Variants in GRID2 observed in about 807,000 individuals in gnomAD.
The protein encoded by GRID2 is glutamate ionotropic receptor delta type subunit 2.
A neutral mutation model predicts 114.8 loss-of-function variants in GRID2; 33 were observed. The observed-to-expected ratio is 0.29, with a 90% CI of 0.22 to 0.38. GRID2 has a LOEUF of 0.38. Ranked by LOEUF, GRID2 falls within the 10% of genes least tolerant of loss-of-function variation. The pLI is 1.00. For synonymous variants in GRID2, 505 were observed against 449.9 expected (o/e 1.12, Z -1.55); for missense variants, 1,184 against 1,257.7 (o/e 0.94, Z 0.89).
chr4:92,963,491 A>G (rs1252314882), intron 2 of GRID2, among the ~76,000 whole-genome samples: 1 of 151,614 alleles, frequency 6.6e-6, no homozygotes, highest in Non-Finnish European at 1.5e-5. Context: ...ATAAGAAGCA[A>G]CTCCTCATTA....
At chr4:93,208,146 C>T (rs1743028090) in intron 5 of GRID2, among the ~76,000 whole-genome samples, 1 of 151,816 alleles carries the variant, frequency 6.6e-6, no homozygotes, top group African/African-American at 2.4e-5. Context: ...TTGGTCATAC[C>T]TATTATTTAT....
chr4:92,921,629 C>G (rs1749347512), intron 2 of GRID2, among the ~76,000 whole-genome samples: 1 of 152,166 alleles, frequency 6.6e-6, no homozygotes, highest in Admixed American at 6.5e-5. Context: ...CCCTGTTTAC[C>G]TGAGTATCAG....
chr4:92,766,643 A>AAGGTCATAT (rs1227685734), intron 2 of GRID2, among the ~76,000 whole-genome samples: 1 of 152,176 alleles, frequency 6.6e-6, no homozygotes, highest in Non-Finnish European at 1.5e-5. Flanking sequence ...AGACTGTCTA[A>AAGGTCATAT]AGGTCATATA....
chr4:93,627,362 T>G (rs562535750), intron 14 of GRID2, among the ~76,000 whole-genome samples: 5 of 152,254 alleles, frequency 3.3e-5, no homozygotes, highest in Admixed American at 3.3e-4. Context: ...CCAGGCATTT[T>G]GTGTGTATGT....
rs931015719 is a variant in GRID2, at chr4:93,643,638, C to G, written c.2360+17203C>G. On this transcript the variant is annotated intron_variant, in intron 14 of 15. Transcript: ENST00000282020. ...GTTAGGCTGCTCGGGGGTCAGGAGT[C>G]AGGGACCCACTTGAGGAGGCAGTCT... 1.9e-3 allele frequency among the ~76,000 whole-genome samples: 94 copies of G among 49,566 alleles called. 18 individuals carry two copies. The highest frequency in any genetic ancestry group is 0.017 in the African/African-American group (88 of 5,116). The allele number at this position is 49,566 out of a possible 152,430, so 32.5% of individuals were successfully genotyped here. A position where few individuals can be genotyped will look rare whatever the true frequency, so the allele number is the denominator to read the frequency against.
At chr4:93,425,325 T>C (rs960638525) in intron 10 of GRID2, among the ~76,000 whole-genome samples, 1 of 152,172 alleles carries the variant, frequency 6.6e-6, no homozygotes, top group African/African-American at 2.4e-5. Context: ...TCTCTTGAAT[T>C]TGTGGAGATT....
At chr4:92,966,234 T>C (rs1753146645) in intron 2 of GRID2, among the ~76,000 whole-genome samples, 1 of 151,830 alleles carries the variant, frequency 6.6e-6, no homozygotes, top group South Asian at 2.1e-4. Flanking sequence ...CATCAAGTCA[T>C]GACATAAGAA....
At position 93,684,950 on chromosome 4, in the gene GRID2, G is replaced by T. The variant is rs187823596; in HGVS notation, c.2360+58515G>T. The stretch of plus-strand genomic sequence containing the variant: ...ATATGATATGAAATAGGTGAGTGGG[G>T]GTGGTAAAAGGCTCTCTTGTTCAAG... On this transcript the variant is annotated intron_variant, in intron 14 of 15. Transcript: ENST00000282020. 2.2e-3 allele frequency among the ~76,000 whole-genome samples: 335 copies of T among 152,108 alleles called. 4 individuals carry two copies. The highest frequency in any genetic ancestry group is 0.01 in the Middle Eastern group (3 of 294).
chr4:92,729,960 A>G (rs935493607), intron 2 of GRID2, among the ~76,000 whole-genome samples: 1 of 151,980 alleles, frequency 6.6e-6, no homozygotes, highest in African/African-American at 2.4e-5. Context: ...AAGAGCTTAT[A>G]TTGCTGAAAT....
At chr4:93,309,748 G>A (rs1283448239) in intron 8 of GRID2, among the ~76,000 whole-genome samples, 1 of 152,106 alleles carries the variant, frequency 6.6e-6, no homozygotes, top group African/African-American at 2.4e-5. Flanking sequence ...TTTCCCAATG[G>A]TGGGAGTAGC....
At chr4:92,645,008 A>G (rs1731541044) in intron 2 of GRID2, among the ~76,000 whole-genome samples, 1 of 151,654 alleles carries the variant, frequency 6.6e-6, no homozygotes, top group African/African-American at 2.4e-5. Flanking sequence ...ATTCTTATAA[A>G]TATTTTAGAT....
intron 2 of GRID2, among the ~76,000 whole-genome samples, chr4:92,908,946 T>C (rs760467394): frequency 6.6e-6 from 1 of 152,184 alleles, no homozygotes; most frequent in East Asian, 1.9e-4. Flanking sequence ...CTCATTGTCA[T>C]GAAAGTGATA....
chr4:92,659,956 C>G (rs1293845048), intron 2 of GRID2, among the ~76,000 whole-genome samples: 1 of 151,476 alleles, frequency 6.6e-6, no homozygotes, highest in Non-Finnish European at 1.5e-5. Flanking sequence ...ATAAACAATT[C>G]TAACACTGAA....
At chr4:92,305,624 C>G (rs1289925550) in intron 1 of GRID2, among the ~76,000 whole-genome samples, 2 of 152,060 alleles carry the variant, frequency 1.3e-5, no homozygotes, top group Non-Finnish European at 2.9e-5. Flanking sequence ...GAAGGACTGC[C>G]GAGCGGGCTC....
At chr4:93,258,809 T>A in intron 8 of GRID2, 1 of 423,394 alleles carries the variant, frequency 2.4e-6, no homozygotes, top group South Asian at 1.7e-5. Flanking sequence ...TATTTATTGA[T>A]CTATTCTTTC....
chr4:92,703,617 T>TTATATATATA (rs3971001), intron 2 of GRID2, among the ~76,000 whole-genome samples: 78 of 140,996 alleles, frequency 5.5e-4, no homozygotes, highest in African/African-American at 1.8e-3. Context: ...AGGAAAAACA[T>TTATATATATA]TATATATATA....
chr4:93,077,977 G>T (rs999896105), intron 2 of GRID2, among the ~76,000 whole-genome samples: 5 of 152,198 alleles, frequency 3.3e-5, no homozygotes, highest in Admixed American at 6.5e-5. Context: ...AAATAGTGGT[G>T]CTAAGGCATG....
chr4:92,372,299 T>C (rs1185004643), intron 1 of GRID2, among the ~76,000 whole-genome samples: 2 of 152,140 alleles, frequency 1.3e-5, no homozygotes, highest in Non-Finnish European at 2.9e-5. Context: ...TATCAAATAG[T>C]ATTGCATGCT....
chr4:93,498,867 A>C (rs1727823501), intron 12 of GRID2, among the ~76,000 whole-genome samples: 1 of 151,692 alleles, frequency 6.6e-6, no homozygotes, highest in Non-Finnish European at 1.5e-5. Context: ...ATCTTGCTGG[A>C]AAAGCAGTCT....
Sources: allele counts gnomAD v4.1 joint callset (sites outside exome capture counted in the v4.1 genomes callset), GRCh38; gene constraint gnomAD v4.1.1; transcripts MANE v1.5; gene names NCBI Gene and HGNC (gene_info 2026-07-23, HGNC 2026-07-21).